LRMDA: variants seen among roughly 807,000 people sequenced by gnomAD.
LRMDA encodes the protein leucine-rich melanocyte differentiation-associated protein.
Under a neutral mutation model 29.8 loss-of-function variants are expected in LRMDA, and 18 were observed. That is an observed-to-expected ratio of 0.60 (90% CI 0.42 to 0.90). The LOEUF (loss-of-function observed/expected upper bound fraction) is 0.90. Among genes scored for constraint, LRMDA ranks in the 40% least tolerant of loss-of-function variants. LRMDA has a pLI of 0.00. For synonymous variants in LRMDA, 125 were observed against 109.4 expected, an observed-to-expected ratio of 1.14 and a Z score of -0.89; for missense variants, 273 against 273.9, an observed-to-expected ratio of 1.00 and a Z score of 0.02.
intron 5 of LRMDA, among the ~76,000 whole-genome samples, chr10:76,315,947 T>C (rs766731271): frequency 7.2e-5 from 11 of 152,142 alleles, no homozygotes; most frequent in Non-Finnish European, 1.3e-4. Flanking sequence ...ACATACACAC[T>C]GTGGGTCTTC....
intron 2 of LRMDA, among the ~76,000 whole-genome samples, chr10:75,945,053 T>C (rs1846454185): frequency 6.6e-6 from 1 of 152,180 alleles, no homozygotes; most frequent in South Asian, 2.1e-4. Context: ...TGTCTAGTAA[T>C]TTATTGTTGT....
chr10:76,133,716 G>A (rs1471112982), intron 5 of LRMDA, among the ~76,000 whole-genome samples: 1 of 152,212 alleles, frequency 6.6e-6, no homozygotes, highest in Non-Finnish European at 1.5e-5. Flanking sequence ...ATTACTCGAC[G>A]ACATGTGGAA....
intron 2 of LRMDA, among the ~76,000 whole-genome samples, chr10:75,730,043 G>A (rs966644211): frequency 2.0e-5 from 3 of 151,692 alleles, no homozygotes; most frequent in Admixed American, 6.6e-5. Context: ...CCACCTCCCC[G>A]CCTTGCTCAG....
intron 6 of LRMDA, among the ~76,000 whole-genome samples, chr10:76,455,101 TA>T (rs1003917862): frequency 2.6e-5 from 4 of 151,984 alleles, no homozygotes; most frequent in African/African-American, 9.7e-5. Context: ...CAGGAGAGAG[TA>T]AGAGAGCCTC....
At chr10:76,114,882 C>T (rs1032430344) in intron 5 of LRMDA, among the ~76,000 whole-genome samples, 2 of 152,150 alleles carry the variant, frequency 1.3e-5, no homozygotes, top group Non-Finnish European at 2.9e-5. Context: ...CTTGCTTGTC[C>T]CCCCTGAAGC....
At chr10:75,585,502 G>A (rs1229606427) in intron 2 of LRMDA, among the ~76,000 whole-genome samples, 1 of 152,190 alleles carries the variant, frequency 6.6e-6, no homozygotes, top group African/African-American at 2.4e-5. Flanking sequence ...TACATGCTGA[G>A]GAGCGGAATT....
intron 2 of LRMDA, among the ~76,000 whole-genome samples, chr10:75,851,124 T>C (rs1370545938): frequency 6.6e-6 from 1 of 152,220 alleles, no homozygotes; most frequent in East Asian, 1.9e-4. Flanking sequence ...TTAAATGTGA[T>C]CCATTATCTT....
chr10:76,163,568 A>G (rs1476333476), intron 5 of LRMDA, among the ~76,000 whole-genome samples: 1 of 152,140 alleles, frequency 6.6e-6, no homozygotes, highest in Non-Finnish European at 1.5e-5. Context: ...TGTAGTAGAC[A>G]GAAGACATCT....
At chr10:75,803,538 G>C (rs1472186744) in intron 2 of LRMDA, among the ~76,000 whole-genome samples, 1 of 152,188 alleles carries the variant, frequency 6.6e-6, no homozygotes, top group Non-Finnish European at 1.5e-5. Flanking sequence ...CTTATTAGCT[G>C]TGTGCCATTG....
At chr10:75,977,995 G>A (rs1438115843) in intron 2 of LRMDA, among the ~76,000 whole-genome samples, 1 of 152,202 alleles carries the variant, frequency 6.6e-6, no homozygotes, top group Non-Finnish European at 1.5e-5. Context: ...GCGTTTGGAG[G>A]AGAGTGGTTT....
At chr10:76,364,159 G>T (rs1353586882) in intron 6 of LRMDA, among the ~76,000 whole-genome samples, 2 of 151,996 alleles carry the variant, frequency 1.3e-5, no homozygotes, top group Non-Finnish European at 2.9e-5. Flanking sequence ...CATAGGATAG[G>T]CTATTCAGAG....
chr10:75,701,468 A>G (rs2132169886), intron 2 of LRMDA, among the ~76,000 whole-genome samples: 1 of 152,192 alleles, frequency 6.6e-6, no homozygotes, highest in South Asian at 2.1e-4. Context: ...AGCAGCTTTC[A>G]CTCCAAGTGT....
intron 2 of LRMDA, among the ~76,000 whole-genome samples, chr10:75,871,625 G>A (rs556941967): frequency 6.6e-6 from 1 of 152,080 alleles, no homozygotes; most frequent in Non-Finnish European, 1.5e-5. Context: ...TCCTGCCCCC[G>A]TGTCCTCTCA....
At chr10:75,547,233 G>A (rs1336865839) in intron 2 of LRMDA, among the ~76,000 whole-genome samples, 2 of 152,202 alleles carry the variant, frequency 1.3e-5, no homozygotes, top group African/African-American at 4.8e-5. Context: ...GGATGGTTCT[G>A]TATAGCATTA....
chr10:76,276,047 ATCTATCTCTTTCTTTCTC>A (rs760447132), intron 5 of LRMDA, among the ~76,000 whole-genome samples: 1 of 144,912 alleles, frequency 6.9e-6, no homozygotes, highest in African/African-American at 2.7e-5. Context: ...CTATCTATCT[ATCTATCTCTTTCTTTCTC>A]TCTTTCTTTC....
intron 2 of LRMDA, among the ~76,000 whole-genome samples, chr10:75,710,707 G>A (rs1842425858): frequency 6.6e-6 from 1 of 152,242 alleles, no homozygotes; most frequent in African/African-American, 2.4e-5. Context: ...TGCAGGTTCT[G>A]GGTTAAATGT....
At chr10:76,160,373 CACTG>C (rs1209512943) in intron 5 of LRMDA, among the ~76,000 whole-genome samples, 4 of 151,978 alleles carry the variant, frequency 2.6e-5, no homozygotes, top group African/African-American at 9.7e-5. Context: ...GGAAATCTGA[CACTG>C]ACTGGATATT....
chr10:75,717,183 G>A (rs1478610732), intron 2 of LRMDA, among the ~76,000 whole-genome samples: 1 of 152,160 alleles, frequency 6.6e-6, no homozygotes, highest in East Asian at 1.9e-4. Flanking sequence ...GTTGGAAGAG[G>A]GCTAGTGGAG....
intron 6 of LRMDA, among the ~76,000 whole-genome samples, chr10:76,335,576 T>G (rs1338092663): frequency 6.6e-6 from 1 of 152,098 alleles, no homozygotes; most frequent in Non-Finnish European, 1.5e-5. Flanking sequence ...TATGGCATGG[T>G]TTTATACATT....
Sources: allele counts gnomAD v4.1 joint callset (sites outside exome capture counted in the v4.1 genomes callset), GRCh38; gene constraint gnomAD v4.1.1; transcripts MANE v1.5; gene names NCBI Gene and HGNC (gene_info 2026-07-23, HGNC 2026-07-21).